DSG4: variants seen among roughly 807,000 people sequenced by gnomAD.
DSG4 encodes desmoglein-4.
In DSG4, 87 loss-of-function variants were observed where a neutral mutation model predicts 93.1. That is an observed-to-expected ratio of 0.93 (90% CI 0.79 to 1.12). The LOEUF (loss-of-function observed/expected upper bound fraction) is 1.12. DSG4 is among the 50% of genes most tolerant of loss of function. The probability of loss-of-function intolerance (pLI) is 0.00; values close to 1 mark genes in which losing one functional copy is unlikely to be tolerated. For missense variants in DSG4, 1,373 were observed against 1,285.7 expected, an observed-to-expected ratio of 1.07 and a Z score of -1.04; for synonymous variants, 432 against 452.9, an observed-to-expected ratio of 0.95 and a Z score of 0.59.
intron 2 of DSG4, among the ~76,000 whole-genome samples, chr18:31,386,087 C>T (rs1175833762): frequency 1.3e-5 from 2 of 152,056 alleles, no homozygotes; most frequent in Admixed American, 6.6e-5. Context: ...GACAGCATTG[C>T]AAAGCCTTAT....
chr18:31,391,253 A>T, intron 7 of DSG4, 41 bp downstream of exon 7: 1 of 1,611,874 alleles, frequency 6.2e-7, no homozygotes, highest in Non-Finnish European at 8.5e-7. Context: ...ATAAGTGTCA[A>T]TAATCAATTT....
At chr18:31,406,047 T>G in intron 11 of DSG4, 30 bp from the exon 12 acceptor site, 1 of 1,613,236 alleles carries the variant, frequency 6.2e-7, no homozygotes, top group Non-Finnish European at 8.5e-7. Context: ...GAATTTCCAT[T>G]TATTTTCTGT....
chr18:31,392,785 T>C (rs2072263707), intron 8 of DSG4, among the ~76,000 whole-genome samples: 1 of 152,208 alleles, frequency 6.6e-6, no homozygotes, highest in Admixed American at 6.5e-5. Flanking sequence ...AAGCAAGATG[T>C]TATAGCTAAG....
At chr18:31,403,688 T>A in intron 11 of DSG4, 54 bp downstream of exon 11, 1 of 1,535,192 alleles carries the variant, frequency 6.5e-7, no homozygotes, top group Non-Finnish European at 9.0e-7. Context: ...GCAAAACAAT[T>A]ACCAAAAAAT....
In DSG4 at chr18:31,390,785, G is replaced by A. The variant is rs1430706171; in HGVS notation, c.647G>A (p.Gly216Glu). 6.2e-7 allele frequency: 1 copy of A among 1,613,706 alleles called. No homozygotes were observed. The highest frequency in any genetic ancestry group is 8.5e-7 in the Non-Finnish European group (1 of 1,179,738). Residue 216 changes from glycine to glutamate, a missense_variant, in exon 6 of 16, where the codon GGA (glycine) becomes GAA (glutamate). Transcript: ENST00000308128. Reference sequence around the variant, plus strand: ...ATGTTCATTCTGAATAGGTACACTGGAGAAGTCTGCACCATGTCCAGTTTC... The same window carrying A: ...ATGTTCATTCTGAATAGGTACACTGAAGAAGTCTGCACCATGTCCAGTTTC... ...APMFILNRYT[G>E]EVCTMSSFLD...
At chr18:31,401,497 G>A (rs2072366092) in intron 10 of DSG4, 1 of 153,350 alleles carries the variant, frequency 6.5e-6, no homozygotes, top group Admixed American at 6.5e-5. Flanking sequence ...TATTTCCATA[G>A]TAAGATGCTA....
intron 2 of DSG4, 79 bp downstream of exon 2, chr18:31,385,250 C>T: frequency 9.7e-7 from 1 of 1,026,474 alleles, no homozygotes; most frequent in East Asian, 2.7e-5. Flanking sequence ...ATATAAAAAT[C>T]AGAATATTTG....
intron 12 of DSG4, among the ~76,000 whole-genome samples, chr18:31,409,201 A>C (rs1232098813): frequency 1.3e-5 from 2 of 152,216 alleles, no homozygotes; most frequent in Non-Finnish European, 2.9e-5. Context: ...CTGTCAGCAA[A>C]GAAATTCAAT....
chr18:31,389,597 T>C (rs1292119599), intron 5 of DSG4, among the ~76,000 whole-genome samples: 1 of 152,024 alleles, frequency 6.6e-6, no homozygotes, highest in South Asian at 2.1e-4. Context: ...TCCTTCCTAC[T>C]CTTATGCTTT....
At chr18:31,393,445 A>C (rs1041668231) in intron 8 of DSG4, among the ~76,000 whole-genome samples, 1 of 152,190 alleles carries the variant, frequency 6.6e-6, no homozygotes, top group African/African-American at 2.4e-5. Context: ...GGAATCTTAC[A>C]ATCATTGTGG....
At chr18:31,396,665 A>G (rs1247236423) in intron 8 of DSG4, among the ~76,000 whole-genome samples, 1 of 151,992 alleles carries the variant, frequency 6.6e-6, no homozygotes, top group Non-Finnish European at 1.5e-5. Context: ...CAGTAATTCC[A>G]TTTTTAGAGA....
At position 31,413,162 on chromosome 18, in the gene DSG4, C is replaced by A. The variant is rs199763259; in HGVS notation, c.2690C>A (p.Ser897Tyr). 121 of 1,614,156 alleles carry A rather than the reference C, an allele frequency of 7.5e-5. No homozygotes were observed. Among genetic ancestry groups the A allele is most frequent in the Non-Finnish European group, 7.6e-5 (90 of 1,180,034 alleles). The change falls in exon 16 of 16, where the codon TCT (serine) becomes TAT (tyrosine). Residue 897 changes from serine (S) to tyrosine (Y), a missense_variant. Ser to Tyr is a moderately radical substitution (Grantham distance 144). Coordinates refer to ENST00000308128, the MANE Select transcript of DSG4 (RefSeq NM_177986.5). ...GAATTCCAAGAAGAAATGGCAGCAT[C>A]TGAACCCGTGGTCCATGGGGATATT... ...EVEFQEEMAA[S>Y]EPVVHGDIIV... is the part of the protein sequence containing the mutation.
At chr18:31,403,882 A>G (rs1398715865) in intron 11 of DSG4, among the ~76,000 whole-genome samples, 1 of 152,202 alleles carries the variant, frequency 6.6e-6, no homozygotes, top group Non-Finnish European at 1.5e-5. Context: ...ATACCAGTTT[A>G]CCCATCATTT....
At chr18:31,385,862 C>T (rs1393756630) in intron 2 of DSG4, among the ~76,000 whole-genome samples, 1 of 152,036 alleles carries the variant, frequency 6.6e-6, no homozygotes. Context: ...GAAGCTTAGC[C>T]TAAGTAAACT....
rs1166729288 is a variant in DSG4 at position 31,400,861 on chromosome 18, AC to A, written c.1278-19del. ...AACTTTCATAAAAGCATGATAACGA[AC>A]TTTTTTATTTAAAAACAGATATATC... On this transcript the variant is annotated intron_variant, in intron 9 of 15. Coordinates refer to ENST00000308128, the MANE Select transcript of DSG4 (RefSeq NM_177986.5). 2 of 1,610,662 alleles carry A rather than the reference AC, an allele frequency of 1.2e-6. No homozygotes were observed. The highest frequency in any genetic ancestry group is 1.1e-5 in the South Asian group (1 of 90,664).
rs751198781 is a variant in DSG4 at position 31,390,868 on chromosome 18, A to G, written c.684+46A>G. On this transcript the variant is annotated intron_variant, in intron 6 of 15. Coordinates refer to ENST00000308128, the MANE Select transcript of DSG4 (RefSeq NM_177986.5). ...ACAAGAACTAAAAAATTCAATTTTG[A>G]AAAGACAAAGATAAAATGATCCATG... The G allele has an allele frequency of 1.9e-6, 3 of 1,592,842 alleles. No individual in the cohort carries two copies. The Admixed American group carries it at 5.3e-5, about 28-fold the overall frequency.
rs1177241622 is a variant in DSG4, at chr18:31,388,762, G to A, written c.373-112G>A. Reference sequence around the variant, plus strand: ...ATTTAAATTATTTGACTGTACTACAGTCTGAATTCACTGGAAAAAATTGTT... The same window carrying A: ...ATTTAAATTATTTGACTGTACTACAATCTGAATTCACTGGAAAAAATTGTT... On this transcript the variant is annotated intron_variant, in intron 4 of 15. Transcript: ENST00000308128. 6 of 1,516,912 alleles carry A rather than the reference G, an allele frequency of 4.0e-6. No individual in the cohort carries two copies. The African/African-American group carries it at 6.9e-5, about 17-fold the overall frequency. The allele number at this position is 1,516,912 out of a possible 1,614,324, so 94.0% of individuals were successfully genotyped here. A position where few individuals can be genotyped will look rare whatever the true frequency, so the allele number is the denominator to read the frequency against.
Position 31,399,443 on chromosome 18 carries a change from A to C in DSG4, c.1177A>C (p.Ser393Arg). 1 of 1,614,036 alleles carries C rather than the reference A, an allele frequency of 6.2e-7. No individual in the cohort carries two copies. Among genetic ancestry groups the C allele is most frequent in the Non-Finnish European group, 8.5e-7 (1 of 1,179,924 alleles). ...ATTTCATCCAAGTACTATGGCTTTT[A>C]GTGTGCGGGAAGGAATAAAAGGAAG... ...PAFHPSTMAF[S>R]VREGIKGSSL... The change falls in exon 9 of 16, where the codon AGT becomes CGT. Residue 393 changes from serine (S) to arginine (R), a missense_variant. By Grantham distance (110) the Ser-to-Arg change is moderately radical (BLOSUM62 -1). Transcript: ENST00000308128.
chr18:31,381,417 A>G (rs1258229233), intron 1 of DSG4, among the ~76,000 whole-genome samples: 1 of 152,170 alleles, frequency 6.6e-6, no homozygotes, highest in Non-Finnish European at 1.5e-5. Flanking sequence ...AATTAGTCAG[A>G]CAGCTCACAA....
Sources: gnomAD v4.1 joint callset for allele counts (sites outside exome capture counted in the v4.1 genomes callset) on GRCh38, gnomAD v4.1.1 for gene constraint, MANE v1.5 for transcripts, NCBI Gene and HGNC (gene_info 2026-07-23, HGNC 2026-07-21) for gene names.